Variants in NBPF26 observed in about 807,000 individuals in gnomAD.
NBPF26 encodes the protein NBPF family member NBPF26.
A neutral mutation model predicts 119.6 loss-of-function variants in NBPF26; 79 were observed. That is an observed-to-expected ratio of 0.66 (90% CI 0.55 to 0.80). The LOEUF (loss-of-function observed/expected upper bound fraction) is 0.80, where lower values mean the gene tolerates loss of function less well. Ranked by LOEUF, NBPF26 falls within the 30% of genes least tolerant of loss-of-function variation. NBPF26 has a pLI of 0.00. For synonymous variants in NBPF26, 299 were observed against 457.7 expected (o/e 0.65, Z 4.43); for missense variants, 800 against 1,198.2 (o/e 0.67, Z 4.91).
intron 2 of NBPF26, among the ~76,000 whole-genome samples, chr1:120,782,429 AC>A (rs1403751406): frequency 7.7e-6 from 1 of 129,038 alleles, no homozygotes; most frequent in African/African-American, 3.2e-5. Context: ...CATTTTTATC[AC>A]CCTGAAAGAA....
intron 2 of NBPF26, among the ~76,000 whole-genome samples, chr1:120,778,450 T>A (rs1651323891): frequency 8.9e-6 from 1 of 111,804 alleles, no homozygotes; most frequent in South Asian, 2.5e-4. Context: ...CACATGAGAC[T>A]TTTTTTTCCC....
chr1:120,727,416 A>T lies in NBPF26; in HGVS notation c.73+3166A>T, dbSNP rs1411969331. Among the ~76,000 whole-genome samples the T allele has an allele frequency of 2.2e-4, 26 of 116,842 alleles. 9 individuals are homozygous for T. The highest frequency in any genetic ancestry group is 1.2e-3 in the African/African-American group (24 of 19,778). 76.7% of individuals were successfully genotyped at this position (116,842 alleles called of 152,430 possible). A position where few individuals can be genotyped will look rare whatever the true frequency, so the allele number is the denominator to read the frequency against. The stretch of plus-strand genomic sequence containing the variant: ...TGACTCAAGAATTTTAAAATTGCTA[A>T]CATAAGAGATATAGAATATAATGTC... On this transcript the variant is annotated intron_variant, in intron 1 of 29. Coordinates refer to ENST00000620612, the Ensembl canonical transcript of NBPF26.
At chr1:120,802,596 T>C (rs1651594890) in intron 4 of NBPF26, among the ~76,000 whole-genome samples, 1 of 119,936 alleles carries the variant, frequency 8.3e-6, no homozygotes, top group Non-Finnish European at 1.6e-5. Flanking sequence ...AAATTAAGTT[T>C]ACCTCTTTTT....
Position 120,805,260 on chromosome 1 carries a change from T to A in NBPF26, c.752-296T>A, listed in dbSNP as rs1277607275. On this transcript the variant is annotated intron_variant, in intron 4 of 29. Coordinates refer to ENST00000620612, the Ensembl canonical transcript of NBPF26. ...GGAATGCAGGGCTCCTAAGTTTCCA[T>A]GACACCCCCACCTTCTAATTCTGTT... Among the ~76,000 whole-genome samples, 8 of 125,772 alleles carry A rather than the reference T, an allele frequency of 6.4e-5. 2 individuals are homozygous for A. The highest frequency in any genetic ancestry group is 9.8e-5 in the Non-Finnish European group (6 of 61,402). The allele number at this position is 125,772 out of a possible 152,430, so 82.5% of individuals were successfully genotyped here.
At chr1:120,790,456 C>T (rs1313916090) in intron 3 of NBPF26, among the ~76,000 whole-genome samples, 85,235 of 114,566 alleles carry the variant, frequency 0.74, 37,171 homozygotes, top group Non-Finnish European at 0.77. Context: ...GATGAAGAAG[C>T]AGAGGCAGCA....
chr1:120,777,880 T>C lies in NBPF26; in HGVS notation c.156-7094T>C, dbSNP rs1323860009. ...AGCCCATCAGACCTCAGCCAGGAGG[T>C]ACTGAAAGGAGGGAGACCAGTGAGT... On this transcript the variant is annotated intron_variant, in intron 2 of 29. Coordinates refer to ENST00000620612, the Ensembl canonical transcript of NBPF26. 7.6e-5 allele frequency among the ~76,000 whole-genome samples: 8 copies of C among 105,218 alleles called. 3 individuals carry two copies. The highest frequency in any genetic ancestry group is 1.4e-4 in the Non-Finnish European group (8 of 56,864). 69.0% of individuals were successfully genotyped at this position (105,218 alleles called of 152,430 possible).
At chr1:120,727,318 G>A (rs1252114658) in intron 1 of NBPF26, among the ~76,000 whole-genome samples, 1 of 106,592 alleles carries the variant, frequency 9.4e-6, no homozygotes, top group Non-Finnish European at 1.7e-5. Flanking sequence ...TCAGGTGTGT[G>A]TATGAGGTCT....
In NBPF26 at chr1:120,805,314, G is replaced by A. The variant is rs1553269581; in HGVS notation, c.752-242G>A. ...GCAACTGCAGACGGTTACCTGGCAC[G>A]CTGGCCACATTCTGCCTCACTCTTA... On this transcript the variant is annotated intron_variant, in intron 4 of 29. Coordinates refer to ENST00000620612, the Ensembl canonical transcript of NBPF26. 2.7e-5 allele frequency: 29 copies of A among 1,054,632 alleles called. 4 individuals carry two copies. Among genetic ancestry groups the A allele is most frequent in the Middle Eastern group, 2.9e-4 (1 of 3,488 alleles). 65.3% of individuals were successfully genotyped at this position (1,054,632 alleles called of 1,614,324 possible).
intron 12 of NBPF26, among the ~76,000 whole-genome samples, chr1:120,815,416 G>A (rs1374402087): frequency 6.2e-5 from 7 of 112,634 alleles, no homozygotes; most frequent in Non-Finnish European, 1.2e-4. Flanking sequence ...CTGTCAGAGA[G>A]TGAATGACTT....
chr1:120,768,220 G>A (rs1313449783), intron 2 of NBPF26, among the ~76,000 whole-genome samples: 3 of 114,632 alleles, frequency 2.6e-5, no homozygotes, highest in Admixed American at 2.5e-4. Flanking sequence ...CCCAAGATGG[G>A]ACCCTTCTAG....
exon 3 of NBPF26, chr1:120,785,032 C>A: frequency 6.9e-7 from 1 of 1,438,850 alleles, no homozygotes; most frequent in Non-Finnish European, 9.3e-7. Flanking sequence ...TGAGAAGAAC[C>A]GCTGCCAGAA....
intron 2 of NBPF26, among the ~76,000 whole-genome samples, chr1:120,784,409 G>A (rs1439893820): frequency 8.6e-6 from 1 of 116,232 alleles, no homozygotes; most frequent in Non-Finnish European, 1.6e-5. Context: ...ATTTTCTGCT[G>A]CTCCAGATAT....
chr1:120,815,384 T>G (rs1651985477), intron 12 of NBPF26, among the ~76,000 whole-genome samples: 1 of 115,016 alleles, frequency 8.7e-6, no homozygotes, highest in Non-Finnish European at 1.7e-5. Context: ...CCAGGCTGTC[T>G]TTTCGACAAT....
chr1:120,770,659 G>T (rs2101427430), intron 2 of NBPF26, among the ~76,000 whole-genome samples: 1 of 120,976 alleles, frequency 8.3e-6, no homozygotes, highest in South Asian at 2.4e-4. Context: ...GAAGCTAAGA[G>T]AAGTTAAATA....
rs1553273368 is a variant in NBPF26, at chr1:120,840,275, A to T, written c.4104-75A>T. On this transcript the variant is annotated intron_variant, in intron 29 of 29. Coordinates refer to ENST00000620612, the Ensembl canonical transcript of NBPF26. ...TCTTTTCTAACCACTTCCTTATGTT[A>T]CTTCTGAAATCTAGTGGGGCTCTGT... The T allele has an allele frequency of 6.2e-6, 9 of 1,440,700 alleles. 1 individual carries two copies. The East Asian group carries it at 1.4e-4, about 22-fold the overall frequency. 89.2% of individuals were successfully genotyped at this position (1,440,700 alleles called of 1,614,324 possible).
Position 120,727,293 on chromosome 1 carries a change from CA to C in NBPF26, c.73+3044del, listed in dbSNP as rs1431427311. On this transcript the variant is annotated intron_variant, in intron 1 of 29. Transcript: ENST00000620612. ...TTGGTTGCAACCCACTGATTAAGTA[CA>C]TTTTTTTTTACCTTCAGGTGTGTGT... Among the ~76,000 whole-genome samples the C allele has an allele frequency of 1.7e-4, 17 of 100,376 alleles. 1 individual carries two copies. The South Asian group carries it at 5.1e-3, about 30-fold the overall frequency. The allele number at this position is 100,376 out of a possible 152,430, so 65.9% of individuals were successfully genotyped here. A position where few individuals can be genotyped will look rare whatever the true frequency, so the allele number is the denominator to read the frequency against.
At chr1:120,833,398 T>C in intron 23 of NBPF26, among the ~76,000 whole-genome samples, 1 of 84,470 alleles carries the variant, frequency 1.2e-5, no homozygotes, top group Non-Finnish European at 2.0e-5. Context: ...TCTGTCTCTG[T>C]CTCTCTCTCT....
intron 8 of NBPF26, 148 bp from the exon 9 acceptor site, chr1:120,810,199 G>A: frequency 9.8e-7 from 1 of 1,021,886 alleles, no homozygotes; most frequent in Non-Finnish European, 1.4e-6. Flanking sequence ...GAGAGAAGCG[G>A]ATTGCCTGTT....
At chr1:120,809,910 A>C in intron 8 of NBPF26, 27 bp downstream of exon 8, 1 of 1,532,728 alleles carries the variant, frequency 6.5e-7, no homozygotes, top group Admixed American at 1.7e-5. Context: ...AGGAGCAAGT[A>C]ATGGGTGGTA....
Sources: gnomAD v4.1 joint callset for allele counts (sites outside exome capture counted in the v4.1 genomes callset) on GRCh38, gnomAD v4.1.1 for gene constraint, MANE v1.5 for transcripts, NCBI Gene and HGNC (gene_info 2026-07-23, HGNC 2026-07-21) for gene names.